Variants in CCDC15 observed in about 807,000 individuals in gnomAD.
CCDC15 encodes coiled-coil domain containing 15, also known as coiled-coil domain-containing protein 15.
In CCDC15, 105 loss-of-function variants were observed where a neutral mutation model predicts 114.5. The ratio of observed to expected loss-of-function variants is 0.92; its 90% CI spans 0.78 to 1.08. The LOEUF (loss-of-function observed/expected upper bound fraction) is 1.08, where lower values mean the gene tolerates loss of function less well. Ranked by LOEUF, CCDC15 falls within the 50% of genes least tolerant of loss-of-function variation. The probability of loss-of-function intolerance (pLI) is 0.00; values close to 1 mark genes in which losing one functional copy is unlikely to be tolerated. For missense variants in CCDC15, 1,105 were observed against 1,093.6 expected (o/e 1.01, Z -0.15); for synonymous variants, 334 against 377.8 (o/e 0.88, Z 1.34).
chr11:125,031,340 G>A (rs764411244), intron 13 of CCDC15, among the ~76,000 whole-genome samples: 2 of 152,250 alleles, frequency 1.3e-5, no homozygotes, highest in Non-Finnish European at 1.5e-5. Flanking sequence ...GCAGGCTGGG[G>A]GAGAGAAGGC....
chr11:125,009,997 C>T (rs1276852774), intron 13 of CCDC15, among the ~76,000 whole-genome samples: 3 of 152,038 alleles, frequency 2.0e-5, no homozygotes, highest in Admixed American at 2.0e-4. Flanking sequence ...TAGAAGGATT[C>T]GTTGTACCAA....
At chr11:124,958,818 T>C (rs966154279) in intron 2 of CCDC15, among the ~76,000 whole-genome samples, 9 of 152,206 alleles carry the variant, frequency 5.9e-5, no homozygotes, top group African/African-American at 2.2e-4. Flanking sequence ...ATTTTAACAA[T>C]AGGACATATT....
chr11:125,036,842 ATTAAAT>A (rs1301989837), intron 13 of CCDC15, among the ~76,000 whole-genome samples: 1 of 152,032 alleles, frequency 6.6e-6, no homozygotes, highest in Non-Finnish European at 1.5e-5. Context: ...CAATCTCTTT[ATTAAAT>A]TTATCTGATA....
chr11:124,997,890 C>T (rs754724294), intron 11 of CCDC15, among the ~76,000 whole-genome samples: 5 of 152,002 alleles, frequency 3.3e-5, no homozygotes, highest in African/African-American at 7.2e-5. Flanking sequence ...TGCAGTGAGC[C>T]GAGATCGCAC....
intron 13 of CCDC15, among the ~76,000 whole-genome samples, chr11:125,026,801 T>C (rs985446321): frequency 3.3e-5 from 5 of 152,164 alleles, no homozygotes; most frequent in Non-Finnish European, 7.4e-5. Context: ...GGATAAATTC[T>C]TTAGTGATGA....
intron 11 of CCDC15, among the ~76,000 whole-genome samples, chr11:124,995,790 C>T (rs1948356488): frequency 6.6e-6 from 1 of 151,806 alleles, no homozygotes; most frequent in East Asian, 1.9e-4. Flanking sequence ...TGTCCTTCTG[C>T]TGTTACTATC....
chr11:124,963,929 T>G (rs1435327830), intron 4 of CCDC15, among the ~76,000 whole-genome samples: 1 of 152,240 alleles, frequency 6.6e-6, no homozygotes, highest in Non-Finnish European at 1.5e-5. Flanking sequence ...TTTTGTCAGA[T>G]TTGTCAAAGA....
intron 4 of CCDC15, among the ~76,000 whole-genome samples, chr11:124,961,642 C>T (rs1947659000): frequency 6.6e-6 from 1 of 152,180 alleles, no homozygotes; most frequent in South Asian, 2.1e-4. Context: ...GATTCTCCTG[C>T]CTCAGCCTCC....
chr11:125,004,996 T>C, intron 12 of CCDC15, 113 bp from the exon 13 acceptor site: 1 of 535,372 alleles, frequency 1.9e-6, no homozygotes, highest in Non-Finnish European at 3.4e-6. Context: ...AACTTCTATA[T>C]CATCTGTTTC....
At chr11:124,959,736 C>G in intron 3 of CCDC15, 79 bp from the exon 4 acceptor site, 2 of 465,190 alleles carry the variant, frequency 4.3e-6, no homozygotes, top group Non-Finnish European at 6.7e-6. Flanking sequence ...TTAAAATCTT[C>G]TGAACTGCTT....
At chr11:124,966,471 T>G (rs186019365) in intron 4 of CCDC15, among the ~76,000 whole-genome samples, 132 of 143,276 alleles carry the variant, frequency 9.2e-4, no homozygotes, top group African/African-American at 2.1e-3. Context: ...TGCTTTTTTT[T>G]TTTGTTTGTT....
chr11:124,999,452 A>AT (rs959492900), intron 11 of CCDC15, among the ~76,000 whole-genome samples: 13 of 143,020 alleles, frequency 9.1e-5, no homozygotes, highest in African/African-American at 2.3e-4. Flanking sequence ...CATGCTGTTC[A>AT]TTTTTTTTTT....
chr11:125,027,207 C>T (rs1307007537), intron 13 of CCDC15, among the ~76,000 whole-genome samples: 1 of 151,994 alleles, frequency 6.6e-6, no homozygotes, highest in African/African-American at 2.4e-5. Flanking sequence ...TACGCATGTA[C>T]CTGTGTCTTT....
chr11:124,991,372 C>G (rs1308473317), intron 8 of CCDC15, 89 bp from the exon 9 acceptor site: 2 of 834,754 alleles, frequency 2.4e-6, no homozygotes, highest in South Asian at 3.1e-5. Context: ...AAAAAACTAC[C>G]CTTTGGCCTT....
At chr11:124,971,618 G>A (rs968988538) in intron 4 of CCDC15, among the ~76,000 whole-genome samples, 3 of 148,278 alleles carry the variant, frequency 2.0e-5, no homozygotes, top group African/African-American at 7.7e-5. Flanking sequence ...AGCTTTTTGA[G>A]GGATATTGTC....
chr11:125,040,382 G>C (rs1191855492), intron 15 of CCDC15, among the ~76,000 whole-genome samples: 1 of 152,074 alleles, frequency 6.6e-6, no homozygotes, highest in Non-Finnish European at 1.5e-5. Context: ...GTATTACATG[G>C]CAACTTAATT....
At chr11:125,004,389 A>G (rs893331562) in intron 12 of CCDC15, among the ~76,000 whole-genome samples, 2 of 152,000 alleles carry the variant, frequency 1.3e-5, no homozygotes, top group Non-Finnish European at 2.9e-5. Context: ...CCAAATCAGT[A>G]TCTGAAAACG....
intron 13 of CCDC15, among the ~76,000 whole-genome samples, chr11:125,022,896 CA>C (rs1591611786): frequency 6.6e-6 from 1 of 152,024 alleles, no homozygotes; most frequent in East Asian, 1.9e-4. Flanking sequence ...AAGTTCTTTA[CA>C]TACTTTTTTG....
intron 2 of CCDC15, among the ~76,000 whole-genome samples, chr11:124,958,600 A>G (rs1045440771): frequency 2.0e-5 from 3 of 152,138 alleles, no homozygotes; most frequent in Non-Finnish European, 4.4e-5. Context: ...TTCATAATCT[A>G]GTAGGGGAGT....
Sources: allele counts gnomAD v4.1 joint callset (sites outside exome capture counted in the v4.1 genomes callset), GRCh38; gene constraint gnomAD v4.1.1; transcripts MANE v1.5; gene names NCBI Gene and HGNC (gene_info 2026-07-23, HGNC 2026-07-21).